Variants in BFSP2 observed in about 807,000 individuals in gnomAD.
BFSP2 encodes phakinin.
Under a neutral mutation model 44.9 loss-of-function variants are expected in BFSP2, and 38 were observed. The ratio of observed to expected loss-of-function variants is 0.85; its 90% CI spans 0.65 to 1.11. The LOEUF (loss-of-function observed/expected upper bound fraction) is 1.11. BFSP2 is among the 50% of genes least tolerant of loss of function. The pLI is 0.00. For missense variants in BFSP2, 525 were observed against 533.0 expected, an observed-to-expected ratio of 0.99 and a Z score of 0.15; for synonymous variants, 197 against 209.9, an observed-to-expected ratio of 0.94 and a Z score of 0.53.
At chr3:133,471,921 G>C (rs142926336) in intron 5 of BFSP2, among the ~76,000 whole-genome samples, 7 of 152,090 alleles carry the variant, frequency 4.6e-5, no homozygotes, top group South Asian at 2.1e-4. Context: ...GGGAGAAGGG[G>C]TCCCCCGGGG....
At chr3:133,435,463 G>A (rs895152088) in intron 1 of BFSP2, among the ~76,000 whole-genome samples, 1 of 152,154 alleles carries the variant, frequency 6.6e-6, no homozygotes, top group East Asian at 1.9e-4. Context: ...GATTGTACTG[G>A]TAAAGCTATG....
chr3:133,433,582 T>G (rs1004689619), intron 1 of BFSP2, among the ~76,000 whole-genome samples: 3 of 152,144 alleles, frequency 2.0e-5, no homozygotes, highest in African/African-American at 7.2e-5. Context: ...ACTGGATAGG[T>G]AGAGTCCTTT....
intron 5 of BFSP2, among the ~76,000 whole-genome samples, chr3:133,467,324 G>C (rs1473932730): frequency 6.6e-6 from 1 of 152,198 alleles, no homozygotes; most frequent in African/African-American, 2.4e-5. Flanking sequence ...GTGACTAAGA[G>C]GGGGCTTTAA....
At chr3:133,433,838 C>A (rs2073753989) in intron 1 of BFSP2, among the ~76,000 whole-genome samples, 1 of 152,240 alleles carries the variant, frequency 6.6e-6, no homozygotes. Context: ...TTTCGCTTCT[C>A]AGAATTCAGG....
intron 4 of BFSP2, among the ~76,000 whole-genome samples, chr3:133,452,518 G>C (rs1009036393): frequency 6.6e-6 from 1 of 152,180 alleles, no homozygotes; most frequent in Non-Finnish European, 1.5e-5. Context: ...CCATAGATTT[G>C]AGTTTGGTCC....
chr3:133,446,731 C>T (rs1365144169), intron 1 of BFSP2, among the ~76,000 whole-genome samples: 3 of 147,506 alleles, frequency 2.0e-5, no homozygotes, highest in Non-Finnish European at 4.5e-5. Flanking sequence ...TGAAAAACCA[C>T]TCCTCAAGGC....
chr3:133,447,421 G>A (rs765134015), intron 2 of BFSP2, 22 bp downstream of exon 2: 15 of 1,609,414 alleles, frequency 9.3e-6, no homozygotes, highest in South Asian at 7.7e-5. Flanking sequence ...CAGCAGAGGC[G>A]ACAGTCCCTC....
rs558145854 is a variant in BFSP2, at chr3:133,469,415, A to G, written c.1023+2456A>G. Among the ~76,000 whole-genome samples, 7 of 152,374 alleles carry G rather than the reference A, an allele frequency of 4.6e-5. 1 individual carries two copies. Among genetic ancestry groups the G allele is most frequent in the African/African-American group, 1.4e-4 (6 of 41,596 alleles). On this transcript the variant is annotated intron_variant, in intron 5 of 6. Transcript: ENST00000302334. ...GCGAGACTTTCGGCCCCCTTTGCCAATAAGGCACTATTTGCATTGGAAGCT... is the reference window on the plus strand; with the variant it reads ...GCGAGACTTTCGGCCCCCTTTGCCAGTAAGGCACTATTTGCATTGGAAGCT...
chr3:133,431,366 G>C (rs1036273092), intron 1 of BFSP2, among the ~76,000 whole-genome samples: 3 of 152,138 alleles, frequency 2.0e-5, no homozygotes, highest in African/African-American at 4.8e-5. Flanking sequence ...GCAGCAGCCA[G>C]GCGTTCCTCC....
intron 1 of BFSP2, among the ~76,000 whole-genome samples, chr3:133,411,161 A>G (rs2073448541): frequency 6.9e-6 from 1 of 145,136 alleles, no homozygotes; most frequent in South Asian, 2.2e-4. Context: ...AAATCCATCA[A>G]ATATGTCAGT....
chr3:133,446,451 A>G (rs1297352529), intron 1 of BFSP2, among the ~76,000 whole-genome samples: 1 of 149,980 alleles, frequency 6.7e-6, no homozygotes, highest in Non-Finnish European at 1.5e-5. Flanking sequence ...AATTCAATGA[A>G]ATGAAACAAA....
intron 1 of BFSP2, among the ~76,000 whole-genome samples, chr3:133,445,793 G>T (rs1482070659): frequency 6.6e-6 from 1 of 152,146 alleles, no homozygotes; most frequent in Non-Finnish European, 1.5e-5. Flanking sequence ...TTTTATATAA[G>T]AGACTTGAGC....
intron 1 of BFSP2, among the ~76,000 whole-genome samples, chr3:133,405,506 G>A (rs928158187): frequency 8.6e-5 from 13 of 152,014 alleles, no homozygotes; most frequent in African/African-American, 2.9e-4. Context: ...AGAACTTGTG[G>A]TCCTAGAAGG....
rs576615689 is a variant in BFSP2 at position 133,400,768 on chromosome 3, G to A, written c.489+196G>A. On this transcript the variant is annotated intron_variant, in intron 1 of 6. Transcript: ENST00000302334. The surrounding 1 kb of genome is among the most constrained non-coding windows in gnomAD (Gnocchi z 4.0). ...TAGGAGCCCACGCTAGCCCCCATAC[G>A]TGCACTACCCACTGTCTTCTTTAAA... 2.7e-3 allele frequency among the ~76,000 whole-genome samples: 413 copies of A among 152,302 alleles called. 2 individuals are homozygous for A. The highest frequency in any genetic ancestry group is 5.2e-3 in the South Asian group (25 of 4,822).
At chr3:133,449,053 C>T (rs1039732650) in intron 3 of BFSP2, 1 of 216,872 alleles carries the variant, frequency 4.6e-6, no homozygotes, top group Non-Finnish European at 9.3e-6. Context: ...AAAACTGGGT[C>T]AGATTATTGA....
intron 1 of BFSP2, among the ~76,000 whole-genome samples, chr3:133,411,625 A>C (rs17365742): frequency 2.0e-5 from 3 of 152,232 alleles, no homozygotes. Flanking sequence ...TTAATTCTAT[A>C]GTAAGCTCTA....
intron 1 of BFSP2, among the ~76,000 whole-genome samples, chr3:133,446,570 T>A (rs1293986472): frequency 2.2e-4 from 5 of 22,366 alleles, no homozygotes; most frequent in African/African-American, 3.8e-4. Context: ...AGCTCACCAT[T>A]TATATATATA....
At chr3:133,467,042 T>C in intron 5 of BFSP2, 83 bp downstream of exon 5, 2 of 1,557,352 alleles carry the variant, frequency 1.3e-6, no homozygotes, top group Admixed American at 3.5e-5. Context: ...GGATCTTAGT[T>C]TCCAGGGGAT....
chr3:133,442,976 G>C (rs1274984739), intron 1 of BFSP2, among the ~76,000 whole-genome samples: 1 of 151,858 alleles, frequency 6.6e-6, no homozygotes, highest in Non-Finnish European at 1.5e-5. Flanking sequence ...TCCTGCCTCA[G>C]CCTCCTAAAT....
Sources: allele counts gnomAD v4.1 joint callset (sites outside exome capture counted in the v4.1 genomes callset), GRCh38; gene constraint gnomAD v4.1.1; non-coding constraint Gnocchi (gnomAD v3.1); transcripts MANE v1.5; gene names NCBI Gene and HGNC (gene_info 2026-07-23, HGNC 2026-07-21).